The following SASH1 variants were observed in gnomAD, a reference collection of about 807,000 sequenced individuals.
The protein encoded by SASH1 is SAM and SH3 domain containing 1, also known as SAM and SH3 domain-containing protein 1.
In SASH1, 44 loss-of-function variants were observed where a neutral mutation model predicts 125.2. The observed-to-expected ratio is 0.35, with a 90% CI of 0.28 to 0.45. The LOEUF is 0.45. SASH1 is among the 20% of genes least tolerant of loss of function. The probability of loss-of-function intolerance (pLI) is 1.00; values close to 1 mark genes in which losing one functional copy is unlikely to be tolerated. For missense variants in SASH1, 1,426 were observed against 1,614.5 expected (o/e 0.88, Z 2.00); for synonymous variants, 639 against 649.1 (o/e 0.98, Z 0.24).
chr6:148,268,650 A>C (rs566356910), upstream of SASH1, among the ~76,000 whole-genome samples: 1 of 152,210 alleles, frequency 6.6e-6, no homozygotes, highest in Non-Finnish European at 1.5e-5. Flanking sequence ...CTGGGGTCAC[A>C]TTTACCTGCA....
rs533599599 is a variant in SASH1 at position 148,443,592 on chromosome 6, A to T, written c.386+3185A>T. ...TCAAACTTTTACCTGTTGGTTTTAG[A>T]TTCTTTCCATGATTCTTGCCTGAAT... On this transcript the variant is annotated intron_variant, in intron 4 of 19. Transcript: ENST00000367467. Among the ~76,000 whole-genome samples, 40 of 132,404 alleles carry T rather than the reference A, an allele frequency of 3.0e-4. No individual in the cohort carries two copies. The South Asian group carries it at 0.011, about 35-fold the overall frequency. The allele number at this position is 132,404 out of a possible 152,430, so 86.9% of individuals were successfully genotyped here.
the SASH1 span, among the ~76,000 whole-genome samples, chr6:148,233,636 T>A: frequency 1.3e-5 from 2 of 150,658 alleles, no homozygotes; most frequent in East Asian, 3.9e-4. Context: ...GGCTCACGCC[T>A]GTAATCGCAG....
chr6:148,204,710 C>CA, the SASH1 span, among the ~76,000 whole-genome samples: 4,509 of 150,712 alleles, frequency 0.03, 204 homozygotes, highest in African/African-American at 0.11. Context: ...AAAATACAAA[C>CA]AAAAAAAACT....
intron 1 of SASH1, among the ~76,000 whole-genome samples, chr6:148,298,992 C>A (rs1054842693): frequency 6.6e-6 from 1 of 152,076 alleles, no homozygotes; most frequent in African/African-American, 2.4e-5. Flanking sequence ...TCTCTTCAGT[C>A]AAAATATCAT....
At chr6:148,545,814 G>T (rs182260652) in intron 18 of SASH1, among the ~76,000 whole-genome samples, 1 of 152,340 alleles carries the variant, frequency 6.6e-6, no homozygotes, top group East Asian at 1.9e-4. Flanking sequence ...GGTGGCTTAC[G>T]CCTGGAATCC....
intron 1 of SASH1, among the ~76,000 whole-genome samples, chr6:148,371,829 A>G (rs1256664285): frequency 6.6e-6 from 1 of 152,112 alleles, no homozygotes; most frequent in Non-Finnish European, 1.5e-5. Flanking sequence ...AGTTAATTCT[A>G]ATGGCCTACT....
intron 12 of SASH1, among the ~76,000 whole-genome samples, chr6:148,530,852 C>T (rs1041988278): frequency 6.6e-6 from 1 of 152,178 alleles, no homozygotes; most frequent in Non-Finnish European, 1.5e-5. Context: ...ACTGCTGAGT[C>T]ACTCCCATCA....
At chr6:148,477,951 C>T (rs1207397355) in intron 7 of SASH1, among the ~76,000 whole-genome samples, 1 of 152,114 alleles carries the variant, frequency 6.6e-6, no homozygotes, top group East Asian at 1.9e-4. Context: ...CCCGCCTCGG[C>T]CTCCCAAAGT....
At chr6:148,469,797 G>A (rs6570856) in intron 5 of SASH1, among the ~76,000 whole-genome samples, 51,339 of 151,894 alleles carry the variant, frequency 0.34, 9,361 homozygotes, top group South Asian at 0.52. Flanking sequence ...GGAGGCCGAG[G>A]AGGGTGGATG....
the SASH1 span, among the ~76,000 whole-genome samples, chr6:148,241,830 T>C: frequency 6.6e-6 from 1 of 152,214 alleles, no homozygotes; most frequent in Non-Finnish European, 1.5e-5. Context: ...ACCCACCTCG[T>C]ATGACTGTTG....
At chr6:148,349,248 CTTTCTTT>C (rs1781627602) in intron 1 of SASH1, among the ~76,000 whole-genome samples, 6 of 66,254 alleles carry the variant, frequency 9.1e-5, no homozygotes, top group South Asian at 6.1e-4. Flanking sequence ...TTTCTTCTTT[CTTTCTTT>C]TTTTTTTTTT....
At chr6:148,270,436 C>T (rs1779035775), upstream of SASH1, among the ~76,000 whole-genome samples, 2 of 152,018 alleles carry the variant, frequency 1.3e-5, no homozygotes, top group African/African-American at 2.4e-5. Flanking sequence ...TTACTGATAC[C>T]GATGAGCAGA....
chr6:148,524,511 TAA>T (rs1265809148), intron 10 of SASH1: 1 of 152,094 alleles, frequency 6.6e-6, no homozygotes, highest in East Asian at 1.9e-4. Context: ...TGCAACCACC[TAA>T]AAGGATAATA....
chr6:148,427,041 C>T (rs1181344655), intron 2 of SASH1, among the ~76,000 whole-genome samples: 1 of 152,102 alleles, frequency 6.6e-6, no homozygotes, highest in Non-Finnish European at 1.5e-5. Flanking sequence ...ACTCGGGTGG[C>T]TGAGGCAGGG....
intron 1 of SASH1, among the ~76,000 whole-genome samples, chr6:148,347,493 A>C (rs1781560009): frequency 6.6e-6 from 1 of 152,176 alleles, no homozygotes; most frequent in African/African-American, 2.4e-5. Context: ...AAAAATTAAC[A>C]AGAAAACCCC....
chr6:148,297,572 G>A (rs1315905994), intron 1 of SASH1, among the ~76,000 whole-genome samples: 2 of 152,148 alleles, frequency 1.3e-5, no homozygotes, highest in Admixed American at 6.6e-5. Flanking sequence ...GGCGGCTTAC[G>A]CCTGTAGCAC....
At chr6:148,404,861 G>A (rs1312979289) in intron 2 of SASH1, among the ~76,000 whole-genome samples, 1 of 147,426 alleles carries the variant, frequency 6.8e-6, no homozygotes, top group East Asian at 2.0e-4. Context: ...TCATCTGATA[G>A]GGAACTGTCC....
At chr6:148,194,798 C>T in the SASH1 span, among the ~76,000 whole-genome samples, 1 of 152,090 alleles carries the variant, frequency 6.6e-6, no homozygotes, top group Non-Finnish European at 1.5e-5. Flanking sequence ...CCCAGCTACT[C>T]GGGAGGCTGA....
Position 148,329,343 on chromosome 6 carries a change from T to A in SASH1, n.74+56966T>A, listed in dbSNP as rs546731910. Among the ~76,000 whole-genome samples, 9 of 152,330 alleles carry A rather than the reference T, an allele frequency of 5.9e-5. No homozygotes were observed. In the South Asian group the frequency reaches 1.2e-3, roughly 21 times the overall value. ...ACCCATATTAATATGTCTTTTAGAT[T>A]TCAAACCTCATTCAGGCCAGCACTA... On this transcript the variant is annotated intron_variant and non_coding_transcript_variant, in intron 1 of 3. Transcript: ENST00000367469.
Sources: allele counts gnomAD v4.1 joint callset (sites outside exome capture counted in the v4.1 genomes callset), GRCh38; gene constraint gnomAD v4.1.1; transcripts MANE v1.5; gene names NCBI Gene and HGNC (gene_info 2026-07-23, HGNC 2026-07-21).